USP6: variants seen among roughly 807,000 people sequenced by gnomAD.
USP6 encodes ubiquitin specific peptidase 6.
Under a neutral mutation model 175.7 loss-of-function variants are expected in USP6, and 128 were observed. That is an observed-to-expected ratio of 0.73 (90% CI 0.63 to 0.84). The LOEUF (loss-of-function observed/expected upper bound fraction) is 0.84. Ranked by LOEUF, USP6 falls within the 40% of genes least tolerant of loss-of-function variation. The pLI, the probability that USP6 is intolerant of heterozygous loss-of-function variation, is 0.00. For missense variants in USP6, 1,498 were observed against 1,760.3 expected, an observed-to-expected ratio of 0.85 and a Z score of 2.67; for synonymous variants, 562 against 630.6, an observed-to-expected ratio of 0.89 and a Z score of 1.63.
At chr17:5,124,379 T>G (rs2072822398) in intron 4 of USP6, among the ~76,000 whole-genome samples, 187 bp from the exon 5 acceptor site, 2 of 152,180 alleles carry the variant, frequency 1.3e-5, no homozygotes, top group Admixed American at 6.5e-5. Context: ...CAGCCCCAGC[T>G]GTTGCCTGGC....
intron 16 of USP6, 45 bp from the exon 17 acceptor site, chr17:5,135,763 G>C (rs532931003): frequency 1.9e-6 from 3 of 1,597,240 alleles, no homozygotes; most frequent in African/African-American, 2.7e-5. Flanking sequence ...GGTGACCTCA[G>C]CCCTCCCAGG....
Position 5,133,966 on chromosome 17 carries a change from A to G in USP6, c.464A>G (p.His155Arg), listed in dbSNP as rs953788046. ...GACGTGAGGACGACTCTCCGGAACC[A>G]TGTCTTCTTTAGGGATCGATATGGA... ...DLDVRTTLRN[H>R]VFFRDRYGAK... Residue 155 changes from histidine to arginine, a missense_variant, in exon 15 of 38, where the codon CAT becomes CGT. Coordinates refer to ENST00000574788, the MANE Select transcript of USP6 (RefSeq NM_001304284.2). The G allele has an allele frequency of 6.2e-7, 1 of 1,614,030 alleles. No individual in the cohort carries two copies. Among genetic ancestry groups the G allele is most frequent in the African/African-American group, 1.3e-5 (1 of 74,916 alleles).
intron 22 of USP6, among the ~76,000 whole-genome samples, chr17:5,140,900 G>A (rs2073425757): frequency 6.6e-6 from 1 of 152,162 alleles, no homozygotes; most frequent in Non-Finnish European, 1.5e-5. Flanking sequence ...GAAACACTTT[G>A]ACAGTGAATC....
At chr17:5,172,660 G>A in intron 37 of USP6, 145 bp from the exon 38 acceptor site, 2 of 1,053,856 alleles carry the variant, frequency 1.9e-6, no homozygotes, top group Non-Finnish European at 2.7e-6. Context: ...CATTTTAAAG[G>A]GGCAGGTGTG....
At chr17:5,167,276 G>A (rs1056914317) in intron 33 of USP6, among the ~76,000 whole-genome samples, 1 of 152,088 alleles carries the variant, frequency 6.6e-6, no homozygotes, top group Non-Finnish European at 1.5e-5. Context: ...AAAAATAAAT[G>A]GCTTACTATC....
chr17:5,157,597 A>G (rs2073911358), intron 31 of USP6, among the ~76,000 whole-genome samples: 1 of 152,012 alleles, frequency 6.6e-6, no homozygotes, highest in Non-Finnish European at 1.5e-5. Context: ...TTGGATGTGG[A>G]GTATAGGGAA....
chr17:5,145,533 G>C lies in USP6; in HGVS notation c.2121G>C (p.Leu707Phe). The stretch of plus-strand genomic sequence containing the variant: ...TCCGATTTGACCCTTTCAATTTTTT[G>C]TCTTTGCCACTACCAATGGACAGTT... Reference protein sequence around the residue: ...ISVRFDPFNFLSLPLPMDSYM... With the variant: ...ISVRFDPFNFFSLPLPMDSYM... Residue 707 changes from leucine to phenylalanine, a missense_variant, in exon 27 of 38, where the codon TTG (leucine) becomes TTC (phenylalanine). Leu to Phe is a conservative substitution (Grantham distance 22). Coordinates refer to ENST00000574788, the MANE Select transcript of USP6 (RefSeq NM_001304284.2). 1 of 1,610,954 alleles carries C rather than the reference G, an allele frequency of 6.2e-7. No individual in the cohort carries two copies. Among genetic ancestry groups the C allele is most frequent in the Non-Finnish European group, 8.5e-7 (1 of 1,178,764 alleles).
At position 5,150,758 on chromosome 17, in the gene USP6, G is replaced by A. The variant is rs563631870; in HGVS notation, c.2643+1991G>A. Among the ~76,000 whole-genome samples the A allele has an allele frequency of 1.9e-3, 291 of 152,216 alleles. 1 individual carries two copies. The highest frequency in any genetic ancestry group is 6.7e-3 in the African/African-American group (280 of 41,544). On this transcript the variant is annotated intron_variant, in intron 30 of 37. Coordinates refer to ENST00000574788, the MANE Select transcript of USP6 (RefSeq NM_001304284.2). ...TCTGCCTGCCTCGCCCTCCCGAAGT[G>A]CTGGGTTTACAGGTGTGAACCACTG...
rs113496590 is a variant in USP6 at position 5,163,062 on chromosome 17, G to C, written c.3036+58G>C. 2.3e-4 allele frequency: 343 copies of C among 1,499,660 alleles called. 2 individuals are homozygous for C. In the African/African-American group the frequency reaches 4.3e-3, roughly 19 times the overall value. 92.9% of individuals were successfully genotyped at this position (1,499,660 alleles called of 1,614,324 possible). On this transcript the variant is annotated intron_variant, in intron 33 of 37. Coordinates refer to ENST00000574788, the MANE Select transcript of USP6 (RefSeq NM_001304284.2). ...TTTTATATGGGAAATTTCCCCCAGT[G>C]TAACTATTATGCCATTTCTGTTTGA... is the stretch of plus-strand genomic sequence containing the variant.
intron 4 of USP6, among the ~76,000 whole-genome samples, chr17:5,122,778 C>T (rs1207754691): frequency 6.6e-6 from 1 of 152,220 alleles, no homozygotes; most frequent in Non-Finnish European, 1.5e-5. Context: ...CTCTCAGGTC[C>T]GGTAGGGCGA....
chr17:5,153,827 T>C (rs2073825992), intron 30 of USP6, among the ~76,000 whole-genome samples: 1 of 152,154 alleles, frequency 6.6e-6, no homozygotes, highest in African/African-American at 2.4e-5. Flanking sequence ...AGATAATTTA[T>C]GTATTTTTAG....
At chr17:5,159,117 G>C (rs1306717417) in intron 31 of USP6, among the ~76,000 whole-genome samples, 2 of 152,212 alleles carry the variant, frequency 1.3e-5, no homozygotes, top group Non-Finnish European at 2.9e-5. Context: ...ATGTAGAAGA[G>C]TGATTATTTT....
chr17:5,121,051 G>A (rs1303416342), intron 3 of USP6, among the ~76,000 whole-genome samples: 2 of 152,222 alleles, frequency 1.3e-5, no homozygotes, highest in African/African-American at 2.4e-5. Context: ...TTTACAGGAT[G>A]TGTGTATTTG....
chr17:5,133,797 G>T (rs879005402), intron 14 of USP6, 90 bp from the exon 15 acceptor site: 19 of 1,392,200 alleles, frequency 1.4e-5, no homozygotes, highest in Non-Finnish European at 1.8e-5. Context: ...CTTCCTTCCC[G>T]AAGTGCTGAC....
intron 9 of USP6, 24 bp from the exon 10 acceptor site, chr17:5,130,343 C>T (rs1219547604): frequency 3.7e-6 from 6 of 1,613,494 alleles, no homozygotes; most frequent in African/African-American, 1.3e-5. Context: ...TACAGTGTAA[C>T]CTTTAGACAA....
chr17:5,119,841 C>T (rs192883887), intron 2 of USP6, among the ~76,000 whole-genome samples: 31 of 152,254 alleles, frequency 2.0e-4, no homozygotes, highest in Non-Finnish European at 4.4e-4. Flanking sequence ...CCTTTTGACC[C>T]GTGAAGAAAC....
At position 5,155,421 on chromosome 17, in the gene USP6, G is replaced by C; in HGVS notation, c.2644-1G>C. 6.2e-7 allele frequency: 1 copy of C among 1,613,622 alleles called. No individual in the cohort carries two copies. The highest frequency in any genetic ancestry group is 8.5e-7 in the Non-Finnish European group (1 of 1,179,698). On this transcript the variant is annotated splice_acceptor_variant, in intron 30 of 37. Coordinates refer to ENST00000574788, the MANE Select transcript of USP6 (RefSeq NM_001304284.2). LOFTEE classifies it high-confidence loss of function. ...CTCTCTATTCTCGTTTGTACATACA[G>C]ATGAGGACAGAACTGTATTTCCTGT...
chr17:5,143,141 G>A (rs1315902836), intron 25 of USP6, among the ~76,000 whole-genome samples: 2 of 152,192 alleles, frequency 1.3e-5, no homozygotes, highest in East Asian at 3.9e-4. Flanking sequence ...GAGGGGGTCA[G>A]CCCCCTGCCC....
At chr17:5,152,261 A>G (rs1268361879) in intron 30 of USP6, among the ~76,000 whole-genome samples, 1 of 150,978 alleles carries the variant, frequency 6.6e-6, no homozygotes, top group African/African-American at 2.4e-5. Context: ...AAAAAAAGTG[A>G]TCAATGACAC....
Sources: allele counts gnomAD v4.1 joint callset (sites outside exome capture counted in the v4.1 genomes callset), GRCh38; gene constraint gnomAD v4.1.1; transcripts MANE v1.5; gene names NCBI Gene and HGNC (gene_info 2026-07-23, HGNC 2026-07-21).